INSM1: variants seen among roughly 807,000 people sequenced by gnomAD.
INSM1 encodes insulinoma-associated protein 1.
In INSM1, 11 loss-of-function variants were observed where a neutral mutation model predicts 21.1. The ratio of observed to expected loss-of-function variants is 0.52; its 90% CI spans 0.33 to 0.86. The LOEUF (loss-of-function observed/expected upper bound fraction) is 0.86. Ranked by LOEUF, INSM1 falls within the 40% of genes least tolerant of loss-of-function variation. The probability of loss-of-function intolerance (pLI) is 0.03; values close to 1 mark genes in which losing one functional copy is unlikely to be tolerated. For synonymous variants in INSM1, 473 were observed against 386.1 expected, an observed-to-expected ratio of 1.23 and a Z score of -2.64; for missense variants, 843 against 760.1, an observed-to-expected ratio of 1.11 and a Z score of -1.28.
In INSM1 at chr20:20,369,043, G is replaced by C. The variant is rs776513961; in HGVS notation, c.776G>C (p.Gly259Ala). The change falls in exon 1 of 1, where the codon GGC becomes GCC. Residue 259 changes from glycine to alanine, a missense_variant. Coordinates refer to ENST00000310227, the MANE Select transcript of INSM1 (RefSeq NM_002196.3). This position sits in a 1 kb window ranked among gnomAD's most constrained non-coding sequence, Gnocchi z 5.6. Reference sequence around the variant, plus strand: ...GAGGCGCCGCGGGGCCGCGCGGGGGGCGCGGCGCGGCCGCTGGGCGAGTTC... The same window carrying C: ...GAGGCGCCGCGGGGCCGCGCGGGGGCCGCGGCGCGGCCGCTGGGCGAGTTC... ...PVEAPRGRAG[G>A]AARPLGEFIC... 1 of 1,546,604 alleles carries C rather than the reference G, an allele frequency of 6.5e-7. No homozygotes were observed. The highest frequency in any genetic ancestry group is 2.1e-5 in the Admixed American group (1 of 48,390).
chr20:20,368,454 C>T lies in INSM1; in HGVS notation c.187C>T (p.His63Tyr), dbSNP rs2059484423. The T allele has an allele frequency of 9.8e-7, 1 of 1,016,404 alleles. No homozygotes were observed. Among genetic ancestry groups the T allele is most frequent in the South Asian group, 4.4e-5 (1 of 22,752 alleles). The allele number at this position is 1,016,404 out of a possible 1,614,324, so 63.0% of individuals were successfully genotyped here. A position where few individuals can be genotyped will look rare whatever the true frequency, so the allele number is the denominator to read the frequency against. ...GCCGCCGCCGCCCGCGGAGCGCGCC[C>T]ATGCAGCGCTCGCCGCCGCGCTTGC... ...LPPPPPAERA[H>Y]AALAAALACA... Residue 63 changes from histidine (H) to tyrosine (Y), a missense_variant, in exon 1 of 1, where the codon CAT becomes TAT. Transcript: ENST00000310227. This position sits in a 1 kb window ranked among gnomAD's most constrained non-coding sequence, Gnocchi z 4.3.
chr20:20,368,494 C>A lies in INSM1; in HGVS notation c.227C>A (p.Pro76Gln). 2.6e-6 allele frequency: 3 copies of A among 1,158,502 alleles called. No individual in the cohort carries two copies. Among genetic ancestry groups the A allele is most frequent in the Non-Finnish European group, 3.2e-6 (3 of 931,814 alleles). 71.8% of individuals were successfully genotyped at this position (1,158,502 alleles called of 1,614,324 possible). The change falls in exon 1 of 1, where the codon CCG (proline) becomes CAG (glutamine). Residue 76 changes from proline to glutamine, a missense_variant. By Grantham distance (76) the Pro-to-Gln change is moderately conservative. Transcript: ENST00000310227. This position sits in a 1 kb window ranked among gnomAD's most constrained non-coding sequence, Gnocchi z 4.3. The stretch of plus-strand genomic sequence containing the variant: ...GCCGCGCTTGCCTGCGCGCCTGGGC[C>A]GCAGCCACCCCCGCAGGGCCCGCGG... ...LAAALACAPG[P>Q]QPPPQGPRAA... is the part of the protein sequence containing the mutation.
Position 20,368,407 on chromosome 20 carries a change from G to A in INSM1, c.140G>A (p.Ser47Asn), listed in dbSNP as rs1189489983. ...GGARAEPPAP[S>N]PVPGPLPPPP... ...GCCCGCGCCGAGCCCCCGGCGCCGAGCCCGGTCCCCGGGCCGCTGCCGCCG... is the reference window on the plus strand; with the variant it reads ...GCCCGCGCCGAGCCCCCGGCGCCGAACCCGGTCCCCGGGCCGCTGCCGCCG... The change falls in exon 1 of 1, where the codon AGC (serine) becomes AAC (asparagine). Residue 47 changes from serine (S) to asparagine (N), a missense_variant. Coordinates refer to ENST00000310227, the MANE Select transcript of INSM1 (RefSeq NM_002196.3). The surrounding 1 kb of genome is among the most constrained non-coding windows in gnomAD (Gnocchi z 4.3). 1 of 1,003,444 alleles carries A rather than the reference G, an allele frequency of 1.0e-6. No homozygotes were observed. Among genetic ancestry groups the A allele is most frequent in the Non-Finnish European group, 1.2e-6 (1 of 843,222 alleles). The allele number at this position is 1,003,444 out of a possible 1,614,324, so 62.2% of individuals were successfully genotyped here.
rs886069759 is a variant in INSM1, at chr20:20,369,138, G to A, written c.871G>A (p.Val291Met). The A allele has an allele frequency of 3.2e-6, 5 of 1,586,420 alleles. No individual in the cohort carries two copies. The African/African-American group carries it at 4.2e-5, about 13-fold the overall frequency. Residue 291 changes from valine to methionine, a missense_variant, in exon 1 of 1, where the codon GTG (valine) becomes ATG (methionine). By Grantham distance (21) the Val-to-Met change is conservative. Transcript: ENST00000310227. This position sits in a 1 kb window ranked among gnomAD's most constrained non-coding sequence, Gnocchi z 5.6. Reference sequence around the variant, plus strand: ...GGCGCAGCACAAATGCTCGCGCATCGTGCGTGTGGAGTACCGCTGTCCCGA... The same window carrying A: ...GGCGCAGCACAAATGCTCGCGCATCATGCGTGTGGAGTACCGCTGTCCCGA... ...ALAQHKCSRI[V>M]RVEYRCPECA...
chr20:20,368,685 G>C lies in INSM1; in HGVS notation c.418G>C (p.Gly140Arg). The change falls in exon 1 of 1, where the codon GGG (glycine) becomes CGG (arginine). Residue 140 changes from glycine (G) to arginine (R), a missense_variant. Physicochemically the swap from Gly to Arg is moderately radical, Grantham distance 125. Coordinates refer to ENST00000310227, the MANE Select transcript of INSM1 (RefSeq NM_002196.3). This position sits in a 1 kb window ranked among gnomAD's most constrained non-coding sequence, Gnocchi z 4.3. ...SFPTPAALLGGGGGGGASGAG... is the reference protein window; with the variant it reads ...SFPTPAALLGRGGGGGASGAG... The stretch of plus-strand genomic sequence containing the variant: ...CCCCACGCCCGCCGCGCTGCTCGGA[G>C]GGGGCGGCGGCGGCGGCGCGAGCGG... 2 of 1,320,358 alleles carry C rather than the reference G, an allele frequency of 1.5e-6. No homozygotes were observed. Among genetic ancestry groups the C allele is most frequent in the South Asian group, 1.8e-5 (1 of 54,910 alleles). The allele number at this position is 1,320,358 out of a possible 1,614,324, so 81.8% of individuals were successfully genotyped here. A position where few individuals can be genotyped will look rare whatever the true frequency, so the allele number is the denominator to read the frequency against.
rs1253785060 is a variant in INSM1 at position 20,368,980 on chromosome 20, CG to C, written c.714del (p.Val240CysfsTer161). ...CACTTCGAGGACGAGGTGACCACGT[CG>C]CCCGTGCTGGGGCTCAAGATCAAGG... ...KLHFEDEVTT[S>X]PVLGLKIKEG... On this transcript the variant is annotated frameshift_variant, in exon 1 of 1. Transcript: ENST00000310227. LOFTEE classifies it high-confidence loss of function. The surrounding 1 kb of genome is among the most constrained non-coding windows in gnomAD (Gnocchi z 4.3). The C allele has an allele frequency of 6.4e-7, 1 of 1,551,220 alleles. No individual in the cohort carries two copies. Among genetic ancestry groups the C allele is most frequent in the Non-Finnish European group, 8.7e-7 (1 of 1,151,518 alleles).
chr20:20,369,004 A>AGGAGGGCCCGGT lies in INSM1; in HGVS notation c.743_754dup (p.Gly248_Glu251dup). On this transcript the variant is annotated inframe_insertion, in exon 1 of 1. Transcript: ENST00000310227. The surrounding 1 kb of genome is among the most constrained non-coding windows in gnomAD (Gnocchi z 5.6). ...TCGCCCGTGCTGGGGCTCAAGATCA[A>AGGAGGGCCCGGT]GGAGGGCCCGGTGGAGGCGCCGCGG... is the stretch of plus-strand genomic sequence containing the variant. The AGGAGGGCCCGGT allele has an allele frequency of 7.2e-6, 11 of 1,537,548 alleles. No individual in the cohort carries two copies.
rs1281125302 is a variant in INSM1, at chr20:20,370,105, C to T, written c.*305C>T. On this transcript the variant is annotated 3_prime_UTR_variant, in exon 1 of 1. Coordinates refer to ENST00000310227, the MANE Select transcript of INSM1 (RefSeq NM_002196.3). ...ACGCGTTTGTCTCGTGGTTGGAAGC[C>T]TCCCCTTGGCGGGGAGAAGCTTTTT... The T allele has an allele frequency of 2.0e-5, 7 of 356,662 alleles. No homozygotes were observed. Among genetic ancestry groups the T allele is most frequent in the Non-Finnish European group, 3.2e-5 (6 of 189,348 alleles). The allele number at this position is 356,662 out of a possible 1,614,324, so 22.1% of individuals were successfully genotyped here. A position where few individuals can be genotyped will look rare whatever the true frequency, so the allele number is the denominator to read the frequency against.
chr20:20,368,540 C>T lies in INSM1; in HGVS notation c.273C>T (p.Pro91=). ...CGCGGGCCGCGCACTTCGGCAACCC[C>T]GAGGCTGCGCACCCCGCGCCGCTCT... The part of the protein sequence containing the change: ...QGPRAAHFGN[P]EAAHPAPLYS... The change falls in exon 1 of 1, where the codon CCC becomes CCT. Residue 91 remains proline (P), a synonymous_variant. Coordinates refer to ENST00000310227, the MANE Select transcript of INSM1 (RefSeq NM_002196.3). This position sits in a 1 kb window ranked among gnomAD's most constrained non-coding sequence, Gnocchi z 4.3. The T allele has an allele frequency of 7.3e-7, 1 of 1,363,878 alleles. No homozygotes were observed. Among genetic ancestry groups the T allele is most frequent in the Non-Finnish European group, 9.6e-7 (1 of 1,038,654 alleles). 84.5% of individuals were successfully genotyped at this position (1,363,878 alleles called of 1,614,324 possible).
rs778669302 is a variant in INSM1, at chr20:20,369,467, A to G, written c.1200A>G (p.Leu400=). The G allele has an allele frequency of 2.6e-6, 4 of 1,531,626 alleles. No homozygotes were observed. The highest frequency in any genetic ancestry group is 3.5e-6 in the Non-Finnish European group (4 of 1,149,950). 94.9% of individuals were successfully genotyped at this position (1,531,626 alleles called of 1,614,324 possible). ...HQALQAKGAP[L]APPAEDLLAL... is the part of the protein sequence containing the mutation. ...CGCTGCAGGCCAAGGGCGCGCCGCT[A>G]GCGCCCCCGGCCGAGGACCTACTGG... is the stretch of plus-strand genomic sequence containing the variant. Residue 400 remains leucine, a synonymous_variant, in exon 1 of 1, where the codon CTA becomes CTG. Transcript: ENST00000310227. This position sits in a 1 kb window ranked among gnomAD's most constrained non-coding sequence, Gnocchi z 5.6.
rs1340619390 is a variant in INSM1, at chr20:20,368,133, G to C, written c.-135G>C. On this transcript the variant is annotated 5_prime_UTR_variant, in exon 1 of 1. Coordinates refer to ENST00000310227, the MANE Select transcript of INSM1 (RefSeq NM_002196.3). The surrounding 1 kb of genome is among the most constrained non-coding windows in gnomAD (Gnocchi z 4.3). ...GGACGCGCGTGCAGGGCGCAGAGCT[G>C]GGCCGAGCCGTCGCCGGCGCCACGC... The C allele has an allele frequency of 3.4e-6, 2 of 580,320 alleles. No homozygotes were observed. The highest frequency in any genetic ancestry group is 4.4e-6 in the Non-Finnish European group (2 of 450,424). The allele number at this position is 580,320 out of a possible 1,614,324, so 35.9% of individuals were successfully genotyped here. A position where few individuals can be genotyped will look rare whatever the true frequency, so the allele number is the denominator to read the frequency against.
Position 20,368,888 on chromosome 20 carries a change from C to A in INSM1, c.621C>A (p.Ala207=), listed in dbSNP as rs1030938566. 11 of 1,466,146 alleles carry A rather than the reference C, an allele frequency of 7.5e-6. No homozygotes were observed. Among genetic ancestry groups the A allele is most frequent in the Non-Finnish European group, 9.0e-6 (10 of 1,110,834 alleles). 90.8% of individuals were successfully genotyped at this position (1,466,146 alleles called of 1,614,324 possible). ...PPGKRPPPPT[A]AEPPAKAVKA... is the part of the protein sequence containing the mutation. ...GAAAGCGGCCCCCGCCCCCTACCGC[C>A]GCGGAGCCGCCCGCCAAGGCAGTCA... The change falls in exon 1 of 1, where the codon GCC becomes GCA. Residue 207 remains alanine, a synonymous_variant. Transcript: ENST00000310227. This position sits in a 1 kb window ranked among gnomAD's most constrained non-coding sequence, Gnocchi z 4.3.
In INSM1 at chr20:20,369,069, A is replaced by G. The variant is rs766833776; in HGVS notation, c.802A>G (p.Ile268Val). ...CGCGGCGCGGCCGCTGGGCGAGTTC[A>G]TCTGCCAGCTGTGCAAGGAGGAGTA... Reference protein sequence around the residue: ...GGAARPLGEFICQLCKEEYAD... With the variant: ...GGAARPLGEFVCQLCKEEYAD... Residue 268 changes from isoleucine to valine, a missense_variant, in exon 1 of 1, where the codon ATC becomes GTC. Transcript: ENST00000310227. The surrounding 1 kb of genome is among the most constrained non-coding windows in gnomAD (Gnocchi z 5.6). 12 of 1,576,616 alleles carry G rather than the reference A, an allele frequency of 7.6e-6. No individual in the cohort carries two copies. In the African/African-American group the frequency reaches 1.7e-4, roughly 22 times the overall value.
At position 20,369,767 on chromosome 20, in the gene INSM1, C is replaced by A; in HGVS notation, c.1500C>A (p.Ile500=). Residue 500 remains isoleucine (I), a synonymous_variant, in exon 1 of 1, where the codon ATC becomes ATA. Transcript: ENST00000310227. The surrounding 1 kb of genome is among the most constrained non-coding windows in gnomAD (Gnocchi z 5.6). ...ACCCATCCGAAAACAGACAGGTGAT[C>A]CTCCTGCAGGTGCCCGTGCGCCCGG... ...KCHPSENRQV[I]LLQVPVRPAC The A allele has an allele frequency of 6.2e-7, 1 of 1,603,730 alleles. No individual in the cohort carries two copies. Among genetic ancestry groups the A allele is most frequent in the Non-Finnish European group, 8.5e-7 (1 of 1,177,702 alleles).
At position 20,368,435 on chromosome 20, in the gene INSM1, G is replaced by A; in HGVS notation, c.168G>A (p.Pro56=). The A allele has an allele frequency of 3.0e-6, 3 of 989,508 alleles. No individual in the cohort carries two copies. Among genetic ancestry groups the A allele is most frequent in the Non-Finnish European group, 3.6e-6 (3 of 834,278 alleles). 61.3% of individuals were successfully genotyped at this position (989,508 alleles called of 1,614,324 possible). A position where few individuals can be genotyped will look rare whatever the true frequency, so the allele number is the denominator to read the frequency against. The change falls in exon 1 of 1, where the codon CCG becomes CCA. Residue 56 remains proline (P), a synonymous_variant. Transcript: ENST00000310227. The surrounding 1 kb of genome is among the most constrained non-coding windows in gnomAD (Gnocchi z 4.3). Reference sequence around the variant, plus strand: ...CGGTCCCCGGGCCGCTGCCGCCGCCGCCGCCCGCGGAGCGCGCCCATGCAG... The same window carrying A: ...CGGTCCCCGGGCCGCTGCCGCCGCCACCGCCCGCGGAGCGCGCCCATGCAG... ...PSPVPGPLPP[P]PPAERAHAAL...
In INSM1 at chr20:20,368,920, C is replaced by A. The variant is rs868516768; in HGVS notation, c.653C>A (p.Pro218Gln). The A allele has an allele frequency of 1.3e-6, 2 of 1,518,146 alleles. No individual in the cohort carries two copies. Among genetic ancestry groups the A allele is most frequent in the East Asian group, 2.8e-5 (1 of 36,258 alleles). 94.0% of individuals were successfully genotyped at this position (1,518,146 alleles called of 1,614,324 possible). ...AEPPAKAVKA[P>Q]GAKKPKAIRK... The stretch of plus-strand genomic sequence containing the variant: ...CCGCCCGCCAAGGCAGTCAAGGCCC[C>A]GGGCGCCAAGAAGCCCAAGGCCATC... The change falls in exon 1 of 1, where the codon CCG becomes CAG. Residue 218 changes from proline (P) to glutamine (Q), a missense_variant. By Grantham distance (76) the Pro-to-Gln change is moderately conservative. Coordinates refer to ENST00000310227, the MANE Select transcript of INSM1 (RefSeq NM_002196.3). The surrounding 1 kb of genome is among the most constrained non-coding windows in gnomAD (Gnocchi z 4.3).
rs2059487836 is a variant in INSM1 at position 20,369,010 on chromosome 20, G to T, written c.743G>T (p.Gly248Val). The part of the protein sequence containing the change: ...SPVLGLKIKE[G>V]PVEAPRGRAG... ...GTGCTGGGGCTCAAGATCAAGGAGGGCCCGGTGGAGGCGCCGCGGGGCCGC... is the reference window on the plus strand; with the variant it reads ...GTGCTGGGGCTCAAGATCAAGGAGGTCCCGGTGGAGGCGCCGCGGGGCCGC... The change falls in exon 1 of 1, where the codon GGC becomes GTC. Residue 248 changes from glycine to valine, a missense_variant. Coordinates refer to ENST00000310227, the MANE Select transcript of INSM1 (RefSeq NM_002196.3). The surrounding 1 kb of genome is among the most constrained non-coding windows in gnomAD (Gnocchi z 5.6). The T allele has an allele frequency of 6.5e-7, 1 of 1,528,510 alleles. No individual in the cohort carries two copies. The highest frequency in any genetic ancestry group is 1.2e-5 in the South Asian group (1 of 81,792). 94.7% of individuals were successfully genotyped at this position (1,528,510 alleles called of 1,614,324 possible).
In INSM1 at chr20:20,368,146, G is replaced by C. The variant is rs909310972; in HGVS notation, c.-122G>C. 13 of 718,430 alleles carry C rather than the reference G, an allele frequency of 1.8e-5. No individual in the cohort carries two copies. The highest frequency in any genetic ancestry group is 2.3e-5 in the Non-Finnish European group (13 of 576,386). The allele number at this position is 718,430 out of a possible 1,614,324, so 44.5% of individuals were successfully genotyped here. A position where few individuals can be genotyped will look rare whatever the true frequency, so the allele number is the denominator to read the frequency against. ...GGGCGCAGAGCTGGGCCGAGCCGTCGCCGGCGCCACGCGAGTCCCGCAGCC... is the reference window on the plus strand; with the variant it reads ...GGGCGCAGAGCTGGGCCGAGCCGTCCCCGGCGCCACGCGAGTCCCGCAGCC... On this transcript the variant is annotated 5_prime_UTR_variant, in exon 1 of 1. Coordinates refer to ENST00000310227, the MANE Select transcript of INSM1 (RefSeq NM_002196.3). The surrounding 1 kb of genome is among the most constrained non-coding windows in gnomAD (Gnocchi z 4.3).
chr20:20,369,110 G>A lies in INSM1; in HGVS notation c.843G>A (p.Ala281=). The change falls in exon 1 of 1, where the codon GCG becomes GCA. Residue 281 remains alanine, a synonymous_variant. Coordinates refer to ENST00000310227, the MANE Select transcript of INSM1 (RefSeq NM_002196.3). The surrounding 1 kb of genome is among the most constrained non-coding windows in gnomAD (Gnocchi z 5.6). ...AGGAGGAGTACGCCGACCCGTTCGC[G>A]CTGGCGCAGCACAAATGCTCGCGCA... The part of the protein sequence containing the change: ...LCKEEYADPF[A]LAQHKCSRIV... 6.3e-7 allele frequency: 1 copy of A among 1,586,222 alleles called. No homozygotes were observed.
Sources: allele counts gnomAD v4.1 joint callset, GRCh38; gene constraint gnomAD v4.1.1; non-coding constraint Gnocchi (gnomAD v3.1); transcripts MANE v1.5; gene names NCBI Gene and HGNC (gene_info 2026-07-23, HGNC 2026-07-21).